The following FRMD4B variants were observed in gnomAD, a reference collection of about 807,000 sequenced individuals.
The protein encoded by FRMD4B is FERM domain-containing protein 4B.
A neutral mutation model predicts 141.5 loss-of-function variants in FRMD4B; 74 were observed. The observed-to-expected ratio is 0.52, with a 90% confidence interval of 0.43 to 0.63. FRMD4B has a LOEUF of 0.63. Ranked by LOEUF, FRMD4B falls within the 30% of genes least tolerant of loss-of-function variation. The pLI is 0.00. For synonymous variants in FRMD4B, 506 were observed against 467.9 expected (o/e 1.08, Z -1.05); for missense variants, 1,366 against 1,253.4 (o/e 1.09, Z -1.36).
At chr3:69,264,104 A>G (rs1465722501) in intron 5 of FRMD4B, among the ~76,000 whole-genome samples, 1 of 151,984 alleles carries the variant, frequency 6.6e-6, no homozygotes, top group Non-Finnish European at 1.5e-5. Context: ...CCCATTCTTA[A>G]TTGCTTAGAT....
intron 2 of FRMD4B, among the ~76,000 whole-genome samples, chr3:69,391,708 A>C (rs1443098202): frequency 2.0e-5 from 3 of 152,168 alleles, no homozygotes; most frequent in Admixed American, 1.3e-4. Flanking sequence ...TGCTCCTCTC[A>C]GCTCACTTTT....
intron 7 of FRMD4B, among the ~76,000 whole-genome samples, chr3:69,226,582 T>A (rs1304849778): frequency 6.6e-6 from 1 of 152,198 alleles, no homozygotes; most frequent in Non-Finnish European, 1.5e-5. Context: ...ATGCATGTTG[T>A]TATTTCTGGA....
chr3:69,487,610 G>C (rs147133941), intron 1 of FRMD4B, among the ~76,000 whole-genome samples: 160 of 152,310 alleles, frequency 1.1e-3, no homozygotes, highest in African/African-American at 3.7e-3. Flanking sequence ...CTCATAATCT[G>C]CTTCCTCTTA....
chr3:69,375,801 T>A (rs1264730734), intron 1 of FRMD4B, among the ~76,000 whole-genome samples: 1 of 152,182 alleles, frequency 6.6e-6, no homozygotes, highest in African/African-American at 2.4e-5. Flanking sequence ...CATAATATCA[T>A]ACTGAAGAGG....
intron 2 of FRMD4B, among the ~76,000 whole-genome samples, chr3:69,417,395 G>A (rs753656424): frequency 1.1e-4 from 16 of 151,994 alleles, no homozygotes; most frequent in Admixed American, 6.6e-4. Context: ...CTTTTTGATG[G>A]GGTTGTTTTT....
chr3:69,244,554 A>C (rs889008676), intron 7 of FRMD4B, among the ~76,000 whole-genome samples: 1 of 152,076 alleles, frequency 6.6e-6, no homozygotes, highest in African/African-American at 2.4e-5. Flanking sequence ...AATCTCTTGA[A>C]CCCAGGAGGT....
chr3:69,333,791 C>T (rs907982305), intron 1 of FRMD4B, among the ~76,000 whole-genome samples: 5 of 152,144 alleles, frequency 3.3e-5, no homozygotes, highest in African/African-American at 1.2e-4. Flanking sequence ...ATTTTTTGAG[C>T]ACCTACTCTG....
At chr3:69,471,991 C>CTT (rs58822985) in intron 1 of FRMD4B, 5 of 148,724 alleles carry the variant, frequency 3.4e-5, no homozygotes, top group South Asian at 2.1e-4. Flanking sequence ...TGAAAGTTGT[C>CTT]TTTTTTTTTT....
intron 4 of FRMD4B, among the ~76,000 whole-genome samples, chr3:69,295,062 A>G (rs1040487129): frequency 6.6e-6 from 1 of 152,192 alleles, no homozygotes; most frequent in Non-Finnish European, 1.5e-5. Flanking sequence ...AGGACATACA[A>G]AATAGTTAAC....
intron 1 of FRMD4B, among the ~76,000 whole-genome samples, chr3:69,517,056 CAT>C (rs1700772146): frequency 6.6e-6 from 1 of 152,122 alleles, no homozygotes. Flanking sequence ...ACTCTTTACA[CAT>C]GAGGCCTTTG....
Position 69,193,634 on chromosome 3 carries a change from T to C in FRMD4B, c.1714+14A>G, listed in dbSNP as rs760706533. The stretch of plus-strand genomic sequence containing the variant: ...GTAGGGGACTCAAAAAAAAAAACCT[T>C]ACTTATTACTAACCTGGTAACACTG... On this transcript the variant is annotated intron_variant, in intron 17 of 22. Transcript: ENST00000398540. The C allele has an allele frequency of 6.6e-7, 1 of 1,524,342 alleles. No individual in the cohort carries two copies. Among genetic ancestry groups the C allele is most frequent in the African/African-American group, 1.4e-5 (1 of 72,522 alleles). 94.4% of individuals were successfully genotyped at this position (1,524,342 alleles called of 1,614,324 possible). A position where few individuals can be genotyped will look rare whatever the true frequency, so the allele number is the denominator to read the frequency against.
chr3:69,394,840 A>G (rs894445230), intron 2 of FRMD4B, among the ~76,000 whole-genome samples: 1 of 152,236 alleles, frequency 6.6e-6, no homozygotes, highest in African/African-American at 2.4e-5. Flanking sequence ...GCAGTCATAA[A>G]AAAGAGTGAG....
chr3:69,192,346 A>G (rs536454259), intron 17 of FRMD4B, among the ~76,000 whole-genome samples: 22 of 152,310 alleles, frequency 1.4e-4, no homozygotes, highest in African/African-American at 5.3e-4. Flanking sequence ...ACTGCACTCC[A>G]GCTTGGGCCA....
intron 1 of FRMD4B, among the ~76,000 whole-genome samples, chr3:69,512,769 C>T (rs1320017225): frequency 1.3e-5 from 2 of 152,100 alleles, no homozygotes; most frequent in Non-Finnish European, 2.9e-5. Flanking sequence ...CCAAATAAAA[C>T]TTGGAGGAAT....
chr3:69,479,763 G>C (rs561464557), intron 1 of FRMD4B, among the ~76,000 whole-genome samples: 76 of 152,312 alleles, frequency 5.0e-4, no homozygotes, highest in African/African-American at 1.7e-3. Flanking sequence ...TGCCTTGCTA[G>C]ATTGGGGAAG....
At chr3:69,379,248 T>C (rs2086793) in intron 1 of FRMD4B, among the ~76,000 whole-genome samples, 142,706 of 152,114 alleles carry the variant, frequency 0.94, 66,930 homozygotes, top group East Asian at 0.97. Flanking sequence ...AGCACTCATC[T>C]TGAACATTTG....
chr3:69,215,282 C>CTTTGTTTTTTTTTTTTT (rs1559724064), intron 11 of FRMD4B, among the ~76,000 whole-genome samples: 1 of 37,474 alleles, frequency 2.7e-5, no homozygotes, highest in African/African-American at 6.6e-5. Flanking sequence ...GATTGTGACC[C>CTTTGTTTTTTTTTTTTT]TCTTTTTTTT....
At chr3:69,387,420 A>G (rs1055580435), upstream of FRMD4B, among the ~76,000 whole-genome samples, 17 of 152,126 alleles carry the variant, frequency 1.1e-4, no homozygotes, top group Non-Finnish European at 2.1e-4. Context: ...CCCAGCCTCC[A>G]TTTTCCCTTA....
chr3:69,346,900 A>G (rs1702962995), intron 1 of FRMD4B, among the ~76,000 whole-genome samples: 3 of 152,222 alleles, frequency 2.0e-5, no homozygotes, highest in Non-Finnish European at 4.4e-5. Flanking sequence ...AAGACCATCG[A>G]GGCTAGGAAG....
Sources: allele counts gnomAD v4.1 joint callset (sites outside exome capture counted in the v4.1 genomes callset), GRCh38; gene constraint gnomAD v4.1.1; transcripts MANE v1.5; gene names NCBI Gene and HGNC (gene_info 2026-07-23, HGNC 2026-07-21).